Variants in GSE1 observed in about 807,000 individuals in gnomAD.
GSE1 encodes the protein Gse1 coiled-coil protein, also known as genetic suppressor element 1.
GSE1 carries 32 observed loss-of-function variants against 112.6 expected under a neutral mutation model. That is an observed-to-expected ratio of 0.28 (90% CI 0.21 to 0.38). GSE1 has a LOEUF of 0.38. Ranked by LOEUF, GSE1 falls within the 10% of genes least tolerant of loss-of-function variation. The probability of loss-of-function intolerance (pLI) is 1.00; values close to 1 mark genes in which losing one functional copy is unlikely to be tolerated. For synonymous variants in GSE1, 1,115 were observed against 735.6 expected (o/e 1.52, Z -8.35); for missense variants, 2,348 against 1,699.2 (o/e 1.38, Z -6.71).
chr16:85,518,287 T>C (rs1157671039), intron 2 of GSE1, among the ~76,000 whole-genome samples: 1 of 151,974 alleles, frequency 6.6e-6, no homozygotes, highest in African/African-American at 2.4e-5. Context: ...GGTCTCTGGG[T>C]GATGAGTGTG....
At chr16:85,230,971 G>A (rs1188498540) in intron 1 of GSE1, among the ~76,000 whole-genome samples, 3 of 151,842 alleles carry the variant, frequency 2.0e-5, no homozygotes, top group Non-Finnish European at 2.9e-5. Flanking sequence ...ATGGATGGAC[G>A]GACGGACGGA....
intron 1 of GSE1, among the ~76,000 whole-genome samples, chr16:85,350,801 G>T (rs1287106620): frequency 6.6e-6 from 1 of 152,150 alleles, no homozygotes; most frequent in Non-Finnish European, 1.5e-5. Flanking sequence ...CTTCGAGACG[G>T]ACTCTTGCTC....
chr16:85,492,739 C>A (rs986927279), intron 2 of GSE1, among the ~76,000 whole-genome samples: 1 of 144,392 alleles, frequency 6.9e-6, no homozygotes, highest in Non-Finnish European at 1.5e-5. Context: ...CAGAGGGAGC[C>A]GTCCCTGGGG....
chr16:85,351,476 C>T (rs1394099876), intron 1 of GSE1, among the ~76,000 whole-genome samples: 34 of 151,532 alleles, frequency 2.2e-4, no homozygotes, highest in East Asian at 1.9e-4. Flanking sequence ...GGCCAGTCCA[C>T]GGAGACAGAG....
At position 85,648,133 on chromosome 16, in the gene GSE1, C is replaced by T. The variant is rs550621467; in HGVS notation, c.227-419C>T. ...CACAGGCCCTTGGTTCATGACACCT[C>T]CTAGAAACACGTGTGTTCTCTAACT... On this transcript the variant is annotated intron_variant, in intron 2 of 15. Coordinates refer to ENST00000253458, the MANE Select transcript of GSE1 (RefSeq NM_014615.5). 3.3e-5 allele frequency among the ~76,000 whole-genome samples: 5 copies of T among 151,966 alleles called. No homozygotes were observed. In the East Asian group the frequency reaches 9.8e-4, roughly 30 times the overall value.
At chr16:85,547,306 T>C (rs532086582) in intron 2 of GSE1, among the ~76,000 whole-genome samples, 302 of 152,326 alleles carry the variant, frequency 2.0e-3, no homozygotes, top group South Asian at 3.3e-3. Flanking sequence ...AAATGTATTC[T>C]CTCACGGAAT....
chr16:85,330,797 G>A (rs189911126), intron 1 of GSE1, among the ~76,000 whole-genome samples: 1 of 152,320 alleles, frequency 6.6e-6, no homozygotes, highest in Non-Finnish European at 1.5e-5. Context: ...TGAGCCCTTG[G>A]GGCCCAGGGA....
chr16:85,660,874 C>T (rs944089829), intron 8 of GSE1, among the ~76,000 whole-genome samples: 2 of 152,102 alleles, frequency 1.3e-5, no homozygotes, highest in Non-Finnish European at 2.9e-5. Flanking sequence ...TTGTGATCCA[C>T]CCTCCTCGGC....
chr16:85,525,204 C>A (rs1172171589), intron 2 of GSE1, among the ~76,000 whole-genome samples: 1 of 152,134 alleles, frequency 6.6e-6, no homozygotes, highest in Non-Finnish European at 1.5e-5. Context: ...GGCACCTTGG[C>A]AGCAGCTGCC....
At chr16:85,664,774 A>G in intron 11 of GSE1, 1 of 451,508 alleles carries the variant, frequency 2.2e-6, no homozygotes, top group Non-Finnish European at 4.0e-6. Context: ...AGGCGTCGTC[A>G]CCGCACGGAC....
chr16:85,456,077 T>G (rs1325862458), intron 2 of GSE1, among the ~76,000 whole-genome samples: 1 of 152,224 alleles, frequency 6.6e-6, no homozygotes, highest in Non-Finnish European at 1.5e-5. Context: ...TGGCCCTCCC[T>G]CTCAACTCAT....
intron 1 of GSE1, among the ~76,000 whole-genome samples, chr16:85,203,087 T>C (rs758171717): frequency 6.6e-6 from 1 of 151,892 alleles, no homozygotes; most frequent in Non-Finnish European, 1.5e-5. Flanking sequence ...CCTGGATTTC[T>C]CCTGAGATGC....
intron 2 of GSE1, among the ~76,000 whole-genome samples, chr16:85,371,442 G>A (rs888669368): frequency 6.6e-6 from 1 of 152,310 alleles, no homozygotes; most frequent in African/African-American, 2.4e-5. Context: ...GGGGCTGTAT[G>A]GGTGCAGATG....
At chr16:85,315,664 C>T (rs955931534) in intron 1 of GSE1, among the ~76,000 whole-genome samples, 1 of 152,186 alleles carries the variant, frequency 6.6e-6, no homozygotes, top group Non-Finnish European at 1.5e-5. Context: ...GAGAGGAGTA[C>T]GCACCGGTTC....
At chr16:85,613,093 C>T (rs914791452), upstream of GSE1, 3 of 810,802 alleles carry the variant, frequency 3.7e-6, no homozygotes, top group South Asian at 2.6e-5. Flanking sequence ...TCCGGGCGCC[C>T]GTCGGTGCGC....
At chr16:85,477,848 C>T (rs1053549655) in intron 2 of GSE1, among the ~76,000 whole-genome samples, 7 of 152,130 alleles carry the variant, frequency 4.6e-5, no homozygotes, top group African/African-American at 1.2e-4. Context: ...GTGTGAACCA[C>T]CGCGCCCGGC....
At chr16:85,312,521 C>T (rs943498395) in intron 1 of GSE1, among the ~76,000 whole-genome samples, 5 of 152,166 alleles carry the variant, frequency 3.3e-5, no homozygotes, top group South Asian at 2.1e-4. Context: ...ATTGTAAGGA[C>T]GCTAGTTAGT....
chr16:85,435,738 C>T (rs2049232714), intron 2 of GSE1, among the ~76,000 whole-genome samples: 1 of 152,236 alleles, frequency 6.6e-6, no homozygotes, highest in African/African-American at 2.4e-5. Flanking sequence ...CGTCTCCACG[C>T]AGCTCTGTGA....
intron 1 of GSE1, among the ~76,000 whole-genome samples, chr16:85,230,166 C>T (rs1817557144): frequency 6.6e-6 from 1 of 152,190 alleles, no homozygotes; most frequent in African/African-American, 2.4e-5. Flanking sequence ...AAAACTGAAG[C>T]TAATTGGTTG....
Sources: allele counts gnomAD v4.1 joint callset (sites outside exome capture counted in the v4.1 genomes callset), GRCh38; gene constraint gnomAD v4.1.1; transcripts MANE v1.5; gene names NCBI Gene and HGNC (gene_info 2026-07-23, HGNC 2026-07-21).